Variants in SNX18 observed in about 807,000 individuals in gnomAD.
The protein encoded by SNX18 is sorting nexin 18.
A neutral mutation model predicts 48.7 loss-of-function variants in SNX18; 35 were observed. That is an observed-to-expected ratio of 0.72 (90% CI 0.55 to 0.95). The LOEUF is 0.95. SNX18 is among the 40% of genes least tolerant of loss of function. The pLI, the probability that SNX18 is intolerant of heterozygous loss-of-function variation, is 0.00. For missense variants in SNX18, 824 were observed against 871.0 expected (o/e 0.95, Z 0.68); for synonymous variants, 492 against 384.7 (o/e 1.28, Z -3.26).
chr5:54,519,373 T>G lies in SNX18; in HGVS notation c.1421T>G (p.Leu474Arg). 6.2e-7 allele frequency: 1 copy of G among 1,612,804 alleles called. No homozygotes were observed. Among genetic ancestry groups the G allele is most frequent in the Non-Finnish European group, 8.5e-7 (1 of 1,179,310 alleles). The change falls in exon 1 of 2, where the codon CTC becomes CGC. Residue 474 changes from leucine (L) to arginine (R), a missense_variant. Leu to Arg is a moderately radical substitution (Grantham distance 102). Coordinates refer to ENST00000381410, the MANE Select transcript of SNX18 (RefSeq NM_001102575.2). ...YQKVGQSFRGLSQAFELDQQA... is the reference protein window; with the variant it reads ...YQKVGQSFRGRSQAFELDQQA... ...AAGGTGGGCCAGTCCTTCCGCGGCC[T>G]CAGCCAGGCCTTTGAGCTGGACCAG...
chr5:54,566,146 G>A, the SNX18 span, among the ~76,000 whole-genome samples: 2 of 152,146 alleles, frequency 1.3e-5, no homozygotes, highest in African/African-American at 4.8e-5. Context: ...TAGCCACAGA[G>A]ACTGAAATGG....
the SNX18 span, among the ~76,000 whole-genome samples, chr5:54,633,761 CTTAA>C: frequency 2.0e-5 from 3 of 152,160 alleles, no homozygotes; most frequent in Admixed American, 6.5e-5. Flanking sequence ...TTAGTGAGAG[CTTAA>C]TGGAGCTTGA....
At chr5:54,612,362 G>A in the SNX18 span, among the ~76,000 whole-genome samples, 213 of 151,850 alleles carry the variant, frequency 1.4e-3, no homozygotes, top group Non-Finnish European at 1.0e-3. Context: ...GGGTTCAAGC[G>A]GTTCTCTTGC....
the SNX18 span, among the ~76,000 whole-genome samples, chr5:54,553,962 C>T: frequency 2.6e-5 from 4 of 152,334 alleles, 1 homozygote; most frequent in South Asian, 8.3e-4. Flanking sequence ...ACACTGTTCA[C>T]AATTCTTTTG....
the SNX18 span, among the ~76,000 whole-genome samples, chr5:54,647,113 A>C: frequency 6.6e-6 from 1 of 152,232 alleles, no homozygotes; most frequent in African/African-American, 2.4e-5. Context: ...TTTGCAAACT[A>C]CGCCTTAAAT....
intron 1 of SNX18, among the ~76,000 whole-genome samples, chr5:54,521,497 C>G (rs147546344): frequency 5.9e-5 from 9 of 152,100 alleles, no homozygotes; most frequent in African/African-American, 1.7e-4. Context: ...GCCAGGAGTT[C>G]GAGACCAGCC....
At chr5:54,569,121 G>C in the SNX18 span, among the ~76,000 whole-genome samples, 2 of 151,986 alleles carry the variant, frequency 1.3e-5, no homozygotes, top group African/African-American at 4.8e-5. Context: ...GGGATTACAG[G>C]CATGAGCCAC....
chr5:54,548,731 T>C (rs1454077820), downstream of SNX18, among the ~76,000 whole-genome samples: 3 of 152,232 alleles, frequency 2.0e-5, no homozygotes, highest in Non-Finnish European at 4.4e-5. Flanking sequence ...ATAAATGTTC[T>C]ATTCCTGAAC....
At chr5:54,569,053 G>A in the SNX18 span, among the ~76,000 whole-genome samples, 1 of 151,390 alleles carries the variant, frequency 6.6e-6, no homozygotes, top group Non-Finnish European at 1.5e-5. Context: ...ATGTTTGCCA[G>A]GCTGGTCTCA....
the SNX18 span, among the ~76,000 whole-genome samples, chr5:54,564,178 A>T: frequency 1.3e-5 from 2 of 152,088 alleles, no homozygotes; most frequent in Non-Finnish European, 2.9e-5. Context: ...AGGCAGGAGA[A>T]TAGCTTGAAC....
the SNX18 span, among the ~76,000 whole-genome samples, chr5:54,632,642 C>G: frequency 6.6e-6 from 1 of 152,176 alleles, no homozygotes; most frequent in Non-Finnish European, 1.5e-5. Context: ...TGGGCTCCAA[C>G]TACCAGCGAG....
the SNX18 span, among the ~76,000 whole-genome samples, chr5:54,561,504 A>ATTTTTTTTTTTTTTTTTTTTTT: frequency 2.3e-5 from 3 of 133,008 alleles, no homozygotes; most frequent in African/African-American, 8.6e-5. Context: ...CGCCCAGCTA[A>ATTTTTTTTTTTTTTTTTTTTTT]TTTTTTTTTT....
chr5:54,588,609 G>A, the SNX18 span, among the ~76,000 whole-genome samples: 2,942 of 152,138 alleles, frequency 0.019, 94 homozygotes, highest in African/African-American at 0.068. Flanking sequence ...TTACAGGCGT[G>A]AGCCACCGCA....
the SNX18 span, among the ~76,000 whole-genome samples, chr5:54,560,144 G>A: frequency 6.6e-6 from 1 of 152,168 alleles, no homozygotes; most frequent in South Asian, 2.1e-4. Flanking sequence ...CCAAAGGAAT[G>A]TAAGTCATTC....
chr5:54,551,654 C>T, the SNX18 span, among the ~76,000 whole-genome samples: 18 of 152,306 alleles, frequency 1.2e-4, no homozygotes, highest in East Asian at 1.5e-3. Context: ...TCACATAAAG[C>T]GGCAGAGCTG....
the SNX18 span, among the ~76,000 whole-genome samples, chr5:54,595,498 G>A: frequency 2.0e-5 from 3 of 152,180 alleles, no homozygotes; most frequent in Non-Finnish European, 2.9e-5. Flanking sequence ...GCCTCCCAAA[G>A]TGCTGGGATT....
chr5:54,539,694 G>A (rs1762428800), intron 1 of SNX18, among the ~76,000 whole-genome samples: 1 of 152,034 alleles, frequency 6.6e-6, no homozygotes, highest in Non-Finnish European at 1.5e-5. Flanking sequence ...ATACATGCCA[G>A]CCTTTCCATA....
At chr5:54,574,526 G>A in the SNX18 span, among the ~76,000 whole-genome samples, 2 of 152,162 alleles carry the variant, frequency 1.3e-5, no homozygotes, top group African/African-American at 2.4e-5. Flanking sequence ...ACTCTGGAGG[G>A]GGATTCTATG....
At chr5:54,630,756 T>C in the SNX18 span, among the ~76,000 whole-genome samples, 1 of 143,708 alleles carries the variant, frequency 7.0e-6, no homozygotes, top group Non-Finnish European at 1.5e-5. Flanking sequence ...ACCGCTTGAA[T>C]CCAGGAGGCA....
Sources: gnomAD v4.1 joint callset for allele counts (sites outside exome capture counted in the v4.1 genomes callset) on GRCh38, gnomAD v4.1.1 for gene constraint, MANE v1.5 for transcripts, NCBI Gene and HGNC (gene_info 2026-07-23, HGNC 2026-07-21) for gene names.